Variants in ANGPT1 observed in about 807,000 individuals in gnomAD.
ANGPT1 encodes the protein angiopoietin-1.
In ANGPT1, 17 loss-of-function variants were observed where a neutral mutation model predicts 62.2. The ratio of observed to expected loss-of-function variants is 0.27; its 90% CI spans 0.19 to 0.41. The LOEUF is 0.41. Among genes scored for constraint, ANGPT1 ranks in the 10% least tolerant of loss-of-function variants. ANGPT1 has a pLI of 1.00. For missense variants in ANGPT1, 478 were observed against 594.9 expected (o/e 0.80, Z 2.04); for synonymous variants, 199 against 198.9 (o/e 1.00, Z 0.00).
intron 3 of ANGPT1, among the ~76,000 whole-genome samples, chr8:107,331,967 G>C (rs2130102924): frequency 6.6e-6 from 1 of 152,254 alleles, no homozygotes; most frequent in South Asian, 2.1e-4. Context: ...GCCTGGCTTT[G>C]CTTCCGCCTT....
At chr8:107,497,055 G>T (rs1813120959) in intron 1 of ANGPT1, among the ~76,000 whole-genome samples, 1 of 152,158 alleles carries the variant, frequency 6.6e-6, no homozygotes, top group Non-Finnish European at 1.5e-5. Context: ...CAAACGGGGT[G>T]CCCCCACACA....
intron 1 of ANGPT1, among the ~76,000 whole-genome samples, chr8:107,380,156 G>A (rs972516226): frequency 2.0e-5 from 3 of 152,050 alleles, no homozygotes; most frequent in African/African-American, 7.2e-5. Context: ...CTAGGAAAAT[G>A]TTAACACAAT....
chr8:107,426,483 G>T (rs574281319), intron 1 of ANGPT1, among the ~76,000 whole-genome samples: 43 of 152,244 alleles, frequency 2.8e-4, no homozygotes, highest in Middle Eastern at 3.4e-3. Context: ...GAAGACACAT[G>T]AGAAAAAAAG....
At chr8:107,293,084 A>T (rs1235754319) in intron 6 of ANGPT1, among the ~76,000 whole-genome samples, 1 of 152,154 alleles carries the variant, frequency 6.6e-6, no homozygotes, top group Non-Finnish European at 1.5e-5. Context: ...ACCCTTGCTC[A>T]TCTCTGTTTC....
intron 4 of ANGPT1, among the ~76,000 whole-genome samples, chr8:107,310,029 T>C (rs1004468809): frequency 3.3e-5 from 5 of 152,198 alleles, no homozygotes; most frequent in African/African-American, 1.2e-4. Flanking sequence ...ATTATTATTT[T>C]AATTAAACAT....
chr8:107,282,819 A>C (rs531925749), intron 7 of ANGPT1, among the ~76,000 whole-genome samples: 12 of 151,928 alleles, frequency 7.9e-5, no homozygotes, highest in African/African-American at 2.7e-4. Flanking sequence ...AGAAATGAGA[A>C]ATGCTCAAAA....
chr8:107,376,610 C>T (rs1816535848), intron 1 of ANGPT1, among the ~76,000 whole-genome samples: 2 of 152,036 alleles, frequency 1.3e-5, no homozygotes, highest in Non-Finnish European at 2.9e-5. Flanking sequence ...ATATTCTACT[C>T]CAGCCATAGC....
chr8:107,479,203 A>C (rs1812614229), intron 1 of ANGPT1, among the ~76,000 whole-genome samples: 1 of 152,118 alleles, frequency 6.6e-6, no homozygotes, highest in Admixed American at 6.6e-5. Flanking sequence ...ATACCAAATA[A>C]ATAATACCTA....
At chr8:107,334,297 A>T (rs1815508732) in intron 3 of ANGPT1, among the ~76,000 whole-genome samples, 1 of 152,214 alleles carries the variant, frequency 6.6e-6, no homozygotes, top group Non-Finnish European at 1.5e-5. Context: ...ATAACTACTG[A>T]GAGATGGATT....
At chr8:107,452,447 A>C (rs1811801547) in intron 1 of ANGPT1, among the ~76,000 whole-genome samples, 1 of 151,716 alleles carries the variant, frequency 6.6e-6, no homozygotes, top group Non-Finnish European at 1.5e-5. Flanking sequence ...AAAATTATTT[A>C]CCAATACATA....
At chr8:107,353,687 C>T (rs1027771384) in intron 1 of ANGPT1, among the ~76,000 whole-genome samples, 4 of 152,216 alleles carry the variant, frequency 2.6e-5, no homozygotes, top group Non-Finnish European at 5.9e-5. Context: ...AGGCTTATCA[C>T]CCCCTGTGTC....
chr8:107,454,140 G>T (rs1203261537), intron 1 of ANGPT1, among the ~76,000 whole-genome samples: 1 of 152,012 alleles, frequency 6.6e-6, no homozygotes, highest in Non-Finnish European at 1.5e-5. Flanking sequence ...TTGCTTCACG[G>T]GTGGTGCATT....
chr8:107,495,861 T>A (rs932690463), intron 1 of ANGPT1, among the ~76,000 whole-genome samples: 5 of 152,222 alleles, frequency 3.3e-5, no homozygotes, highest in African/African-American at 1.2e-4. Context: ...TTTATTCTTC[T>A]GCCTACCTAC....
intron 1 of ANGPT1, among the ~76,000 whole-genome samples, chr8:107,433,005 T>TA (rs575998390): frequency 2.0e-5 from 3 of 152,088 alleles, no homozygotes; most frequent in Admixed American, 6.5e-5. Context: ...TGTCTTGACT[T>TA]AAAAAAAACC....
intron 1 of ANGPT1, among the ~76,000 whole-genome samples, chr8:107,410,247 C>G (rs1052578788): frequency 6.6e-6 from 1 of 152,200 alleles, no homozygotes; most frequent in African/African-American, 2.4e-5. Context: ...CTAATACTCA[C>G]CCTGCCAAGA....
intron 2 of ANGPT1, among the ~76,000 whole-genome samples, chr8:107,340,206 C>A (rs1387114830): frequency 6.6e-6 from 1 of 151,784 alleles, no homozygotes; most frequent in Non-Finnish European, 1.5e-5. Flanking sequence ...TCCAAAAGCA[C>A]ATCTTTGGGG....
intron 1 of ANGPT1, among the ~76,000 whole-genome samples, chr8:107,445,983 T>C (rs1447190072): frequency 6.6e-6 from 1 of 152,214 alleles, no homozygotes; most frequent in African/African-American, 2.4e-5. Context: ...AGTGGCGCTA[T>C]CTCGGCTCAC....
chr8:107,343,995 G>T (rs187716435), intron 2 of ANGPT1, among the ~76,000 whole-genome samples: 8 of 152,282 alleles, frequency 5.3e-5, no homozygotes, highest in African/African-American at 1.9e-4. Flanking sequence ...CCAGAAGGTT[G>T]AGGCTGCAGT....
chr8:107,443,321 G>A (rs1811527089), intron 1 of ANGPT1, among the ~76,000 whole-genome samples: 1 of 152,072 alleles, frequency 6.6e-6, no homozygotes, highest in African/African-American at 2.4e-5. Flanking sequence ...GAATTTAGGA[G>A]GCCCAGGTTC....
Sources: allele counts gnomAD v4.1 joint callset (sites outside exome capture counted in the v4.1 genomes callset), GRCh38; gene constraint gnomAD v4.1.1; transcripts MANE v1.5; gene names NCBI Gene and HGNC (gene_info 2026-07-23, HGNC 2026-07-21).